The following FZD6 variants were observed in gnomAD, a reference collection of about 807,000 sequenced individuals.
The protein encoded by FZD6 is frizzled class receptor 6, also known as frizzled-6.
A neutral mutation model predicts 61.4 loss-of-function variants in FZD6; 49 were observed. The observed-to-expected ratio is 0.80, with a 90% confidence interval of 0.63 to 1.01. The LOEUF (loss-of-function observed/expected upper bound fraction) is 1.01, where lower values mean the gene tolerates loss of function less well. Among genes scored for constraint, FZD6 ranks in the 50% least tolerant of loss-of-function variants. The pLI is 0.00. For synonymous variants in FZD6, 265 were observed against 292.2 expected, an observed-to-expected ratio of 0.91 and a Z score of 0.95; for missense variants, 724 against 848.2, an observed-to-expected ratio of 0.85 and a Z score of 1.82.
upstream of FZD6, chr8:103,298,600 T>G (rs533936870): frequency 5.9e-5 from 9 of 152,222 alleles, no homozygotes; most frequent in African/African-American, 2.2e-4. Flanking sequence ...GATAGCGAGA[T>G]GGGGCTCAGC....
At chr8:103,298,603 G>A (rs1330092426), upstream of FZD6, 1 of 152,172 alleles carries the variant, frequency 6.6e-6, no homozygotes, top group African/African-American at 2.4e-5. Flanking sequence ...AGCGAGATGG[G>A]GCTCAGCCTT....
chr8:103,331,439 C>T lies in FZD6; in HGVS notation c.2051C>T (p.Thr684Ile). 2 of 1,610,344 alleles carry T rather than the reference C, an allele frequency of 1.2e-6. No homozygotes were observed. Among genetic ancestry groups the T allele is most frequent in the South Asian group, 1.1e-5 (1 of 90,988 alleles). ...GAACCAAGCAGCCTCAAAGGTTCCA[C>T]ATCTCTGCTTGTTCACCCGGTTTCA... ...SSEPSSLKGS[T>I]SLLVHPVSGV... The change falls in exon 7 of 7, where the codon ACA becomes ATA. Residue 684 changes from threonine to isoleucine, a missense_variant. Coordinates refer to ENST00000358755, the MANE Select transcript of FZD6 (RefSeq NM_003506.4).
At chr8:103,331,042 T>C (rs1815109396) in intron 6 of FZD6, among the ~76,000 whole-genome samples, 1 of 152,078 alleles carries the variant, frequency 6.6e-6, no homozygotes, top group African/African-American at 2.4e-5. Context: ...CCGGGTGTGG[T>C]GGCACCCACC....
intron 2 of FZD6, among the ~76,000 whole-genome samples, chr8:103,305,810 T>C (rs1814314169): frequency 6.6e-6 from 1 of 152,224 alleles, no homozygotes. Context: ...GGCAGGCCTG[T>C]ATGTGAAGAG....
intron 5 of FZD6, among the ~76,000 whole-genome samples, 197 bp downstream of exon 5, chr8:103,328,613 T>G (rs1014249947): frequency 6.6e-6 from 1 of 152,068 alleles, no homozygotes; most frequent in Non-Finnish European, 1.5e-5. Flanking sequence ...CTTTGACATA[T>G]ACTATTTATC....
At chr8:103,323,574 G>A (rs1333757030) in intron 3 of FZD6, among the ~76,000 whole-genome samples, 3 of 152,066 alleles carry the variant, frequency 2.0e-5, no homozygotes, top group Non-Finnish European at 1.5e-5. Context: ...GGGATTACAG[G>A]CACCTGTCAC....
chr8:103,299,382 T>C lies in FZD6; in HGVS notation c.-153+387T>C, dbSNP rs186464274. Among the ~76,000 whole-genome samples, 280 of 152,306 alleles carry C rather than the reference T, an allele frequency of 1.8e-3. 1 individual carries two copies. Among genetic ancestry groups the C allele is most frequent in the African/African-American group, 6.5e-3 (271 of 41,574 alleles). On this transcript the variant is annotated intron_variant, in intron 1 of 6. Transcript: ENST00000358755. ...TCCCCCGGGACAGATTTGCGCACTTTCCTTTCGACGGCAGCACTACACCCT... is the reference window on the plus strand; with the variant it reads ...TCCCCCGGGACAGATTTGCGCACTTCCCTTTCGACGGCAGCACTACACCCT...
intron 3 of FZD6, among the ~76,000 whole-genome samples, chr8:103,320,105 A>AG (rs5893648): frequency 0.95 from 144,056 of 152,266 alleles, 68,217 homozygotes; most frequent in East Asian, 1. Flanking sequence ...CTGTGGATAT[A>AG]GTAGGTTTGT....
intron 3 of FZD6, among the ~76,000 whole-genome samples, chr8:103,322,723 A>G (rs1217423940): frequency 6.6e-6 from 1 of 152,230 alleles, no homozygotes; most frequent in Non-Finnish European, 1.5e-5. Flanking sequence ...GAAACTATAG[A>G]ACCTATGTGG....
chr8:103,331,040 G>A (rs1424262309), intron 6 of FZD6, among the ~76,000 whole-genome samples: 1 of 152,088 alleles, frequency 6.6e-6, no homozygotes, highest in African/African-American at 2.4e-5. Flanking sequence ...AGCCGGGTGT[G>A]GTGGCACCCA....
At chr8:103,301,003 T>G (rs1332592399) in intron 2 of FZD6, among the ~76,000 whole-genome samples, 3 of 152,204 alleles carry the variant, frequency 2.0e-5, no homozygotes, top group Non-Finnish European at 4.4e-5. Context: ...GTTAGGTTGT[T>G]AAGTCTCCTG....
At chr8:103,323,368 A>T (rs763045275) in intron 3 of FZD6, among the ~76,000 whole-genome samples, 1 of 151,454 alleles carries the variant, frequency 6.6e-6, no homozygotes, top group African/African-American at 2.4e-5. Context: ...TTTTATGGGC[A>T]TATGTTTTAG....
chr8:103,331,199 G>T, intron 6 of FZD6, 142 bp from the exon 7 acceptor site: 1 of 716,510 alleles, frequency 1.4e-6, no homozygotes. Context: ...TTTGTATTTT[G>T]AAGTGTTAAA....
chr8:103,300,392 T>C, intron 2 of FZD6, 108 bp downstream of exon 2: 1 of 875,778 alleles, frequency 1.1e-6, no homozygotes, highest in Non-Finnish European at 1.9e-6. Context: ...TCAAGTTGTG[T>C]ACAAGTTGTG....
rs201580513 is a variant in FZD6 at position 103,300,191 on chromosome 8, T to G, written c.84T>G (p.Thr28=). The change falls in exon 2 of 7, where the codon ACT becomes ACG. Residue 28 remains threonine (T), a synonymous_variant. Coordinates refer to ENST00000358755, the MANE Select transcript of FZD6 (RefSeq NM_003506.4). ...GHSLFTCEPI[T]VPRCMKMAYN... ...GTCTCTTCACCTGTGAACCAATTAC[T>G]GTTCCCAGATGTATGAAAATGGCCT... is the stretch of plus-strand genomic sequence containing the variant. The G allele has an allele frequency of 2.5e-6, 4 of 1,598,896 alleles. No individual in the cohort carries two copies. Among genetic ancestry groups the G allele is most frequent in the Non-Finnish European group, 3.4e-6 (4 of 1,166,136 alleles).
intron 2 of FZD6, among the ~76,000 whole-genome samples, chr8:103,312,335 AAGG>A (rs756522477): frequency 3.9e-5 from 6 of 152,344 alleles, no homozygotes; most frequent in South Asian, 2.1e-4. Flanking sequence ...TGAAATTTGA[AAGG>A]AGGAGTTTAT....
At chr8:103,318,015 A>G (rs1249843161) in intron 2 of FZD6, among the ~76,000 whole-genome samples, 2 of 152,152 alleles carry the variant, frequency 1.3e-5, no homozygotes, top group South Asian at 2.1e-4. Flanking sequence ...GCCCATTAAC[A>G]GCCAAATGGA....
At chr8:103,309,721 C>T (rs1256831288) in intron 2 of FZD6, among the ~76,000 whole-genome samples, 1 of 152,152 alleles carries the variant, frequency 6.6e-6, no homozygotes, top group Non-Finnish European at 1.5e-5. Flanking sequence ...TCTCACTGAA[C>T]CCCTGTCAGA....
At chr8:103,320,711 T>C (rs1814762065) in intron 3 of FZD6, among the ~76,000 whole-genome samples, 1 of 152,082 alleles carries the variant, frequency 6.6e-6, no homozygotes, top group Non-Finnish European at 1.5e-5. Flanking sequence ...TTGCAGGTTG[T>C]GGCAGGGTTC....
Sources: gnomAD v4.1 joint callset for allele counts (sites outside exome capture counted in the v4.1 genomes callset) on GRCh38, gnomAD v4.1.1 for gene constraint, MANE v1.5 for transcripts, NCBI Gene and HGNC (gene_info 2026-07-23, HGNC 2026-07-21) for gene names.